Variants in CELF4 observed in about 807,000 individuals in gnomAD.
The protein encoded by CELF4 is CUG-BP- and ETR-3-like factor 4.
Under a neutral mutation model 59.9 loss-of-function variants are expected in CELF4, and 18 were observed. That is an observed-to-expected ratio of 0.30 (90% CI 0.21 to 0.45). CELF4 has a LOEUF of 0.45. Ranked by LOEUF, CELF4 falls within the 20% of genes least tolerant of loss-of-function variation. The pLI is 1.00. For synonymous variants in CELF4, 261 were observed against 267.1 expected, an observed-to-expected ratio of 0.98 and a Z score of 0.22; for missense variants, 456 against 689.0, an observed-to-expected ratio of 0.66 and a Z score of 3.79.
At chr18:37,403,731 T>C (rs554215650) in intron 2 of CELF4, among the ~76,000 whole-genome samples, 2 of 152,210 alleles carry the variant, frequency 1.3e-5, no homozygotes, top group East Asian at 3.9e-4. Flanking sequence ...GAAGCGTGAG[T>C]GATACGTGTC....
At chr18:37,325,598 A>G (rs549141123) in intron 2 of CELF4, among the ~76,000 whole-genome samples, 281 of 152,302 alleles carry the variant, frequency 1.8e-3, no homozygotes, top group Non-Finnish European at 2.2e-3. Flanking sequence ...TGGTGCAGGC[A>G]GACCTCCTCC....
At chr18:37,480,834 T>G (rs2099864705) in intron 2 of CELF4, among the ~76,000 whole-genome samples, 2 of 145,736 alleles carry the variant, frequency 1.4e-5, no homozygotes, top group African/African-American at 2.6e-5. Context: ...GAGGAGAAAA[T>G]GGGGGCACAA....
chr18:37,515,372 G>C (rs996714309), intron 1 of CELF4, among the ~76,000 whole-genome samples: 13 of 152,112 alleles, frequency 8.5e-5, no homozygotes, highest in African/African-American at 3.1e-4. Flanking sequence ...CTTCTCCCCA[G>C]CCTGGCTACC....
chr18:37,294,840 G>C (rs1270158743), intron 3 of CELF4, among the ~76,000 whole-genome samples: 1 of 152,136 alleles, frequency 6.6e-6, no homozygotes, highest in Non-Finnish European at 1.5e-5. Context: ...TGACTTGTTT[G>C]GATATTAATT....
intron 2 of CELF4, among the ~76,000 whole-genome samples, chr18:37,461,738 T>TGAA (rs1286125846): frequency 6.6e-6 from 1 of 152,246 alleles, no homozygotes; most frequent in African/African-American, 2.4e-5. Context: ...CAGTAGCTTC[T>TGAA]GCTCAGTGAG....
intron 12 of CELF4, among the ~76,000 whole-genome samples, chr18:37,251,745 C>T (rs1276814297): frequency 1.3e-5 from 2 of 152,198 alleles, no homozygotes; most frequent in Non-Finnish European, 2.9e-5. Context: ...CCCCCATCTG[C>T]AAGCTGCCTC....
intron 2 of CELF4, among the ~76,000 whole-genome samples, chr18:37,392,147 G>A (rs957716030): frequency 6.6e-6 from 1 of 152,236 alleles, no homozygotes; most frequent in African/African-American, 2.4e-5. Flanking sequence ...GGTGGGGGAA[G>A]TGGGAGAAAG....
At chr18:37,512,748 CCTG>C in intron 1 of CELF4, among the ~76,000 whole-genome samples, 1 of 151,866 alleles carries the variant, frequency 6.6e-6, no homozygotes, top group East Asian at 1.9e-4. Flanking sequence ...CTTCTTCCCT[CCTG>C]CTTTCTCTTT....
At chr18:37,450,102 G>T (rs759900696) in intron 2 of CELF4, among the ~76,000 whole-genome samples, 1 of 152,182 alleles carries the variant, frequency 6.6e-6, no homozygotes, top group African/African-American at 2.4e-5. Context: ...GTGGGGAGGG[G>T]AAGGGAGCAG....
At chr18:37,248,641 C>T (rs2063534348) in intron 12 of CELF4, among the ~76,000 whole-genome samples, 1 of 152,232 alleles carries the variant, frequency 6.6e-6, no homozygotes, top group Non-Finnish European at 1.5e-5. Context: ...CAACCTTCAG[C>T]TTTCTTTCCT....
intron 3 of CELF4, among the ~76,000 whole-genome samples, chr18:37,300,376 C>G (rs1421178766): frequency 2.0e-5 from 3 of 152,204 alleles, no homozygotes; most frequent in African/African-American, 7.2e-5. Flanking sequence ...AGGCACCTGC[C>G]ACCGCACTTG....
intron 2 of CELF4, among the ~76,000 whole-genome samples, chr18:37,413,739 C>T (rs978765972): frequency 2.0e-5 from 3 of 152,164 alleles, no homozygotes; most frequent in African/African-American, 7.2e-5. Flanking sequence ...GGTCAAGTCC[C>T]ACATCCTTCC....
chr18:37,484,346 TATAATATATGTGC>T (rs2099876581), intron 2 of CELF4, among the ~76,000 whole-genome samples: 2 of 152,318 alleles, frequency 1.3e-5, no homozygotes, highest in Middle Eastern at 3.4e-3. Flanking sequence ...AAGTAATTAC[TATAATATATGTGC>T]ATGTAGCCGC....
chr18:37,538,345 C>T (rs1428984806), intron 1 of CELF4, among the ~76,000 whole-genome samples: 1 of 152,206 alleles, frequency 6.6e-6, no homozygotes, highest in African/African-American at 2.4e-5. Context: ...GTTTTGCTCT[C>T]TGAAAGGTAT....
At chr18:37,281,125 C>T (rs1043859322) in intron 3 of CELF4, among the ~76,000 whole-genome samples, 2 of 152,206 alleles carry the variant, frequency 1.3e-5, no homozygotes. Context: ...TCAGTGGAAC[C>T]TCAGGATTAG....
Position 37,285,322 on chromosome 18 carries a change from T to C in CELF4, c.449-10079A>G, listed in dbSNP as rs961417683. On this transcript the variant is annotated intron_variant, in intron 3 of 12. Transcript: ENST00000420428. ...CCTTGAATGTGGGCTGAAAATGTCCTCTCTCGTCGTCACGCAGGAAGTCTG... is the reference window on the plus strand; with the variant it reads ...CCTTGAATGTGGGCTGAAAATGTCCCCTCTCGTCGTCACGCAGGAAGTCTG... Among the ~76,000 whole-genome samples, 3 of 152,188 alleles carry C rather than the reference T, an allele frequency of 2.0e-5. No individual in the cohort carries two copies. The South Asian group carries it at 6.2e-4, about 31-fold the overall frequency.
intron 2 of CELF4, among the ~76,000 whole-genome samples, chr18:37,458,082 C>T (rs1051642178): frequency 1.3e-5 from 2 of 152,094 alleles, no homozygotes; most frequent in Non-Finnish European, 2.9e-5. Flanking sequence ...GATGGGACTT[C>T]GAGCATCAAA....
At position 37,244,391 on chromosome 18, in the gene CELF4, C is replaced by G. The variant is rs2061336566; in HGVS notation, c.*851G>C. ...GTTTTAAGATTTGTGTTGCTTTCCC[C>G]AAATATCCACCAATTTGTTCATCTT... is the stretch of plus-strand genomic sequence containing the variant. On this transcript the variant is annotated 3_prime_UTR_variant, in exon 13 of 13. Transcript: ENST00000420428. The G allele has an allele frequency of 6.6e-6, 1 of 152,364 alleles. No individual in the cohort carries two copies. The highest frequency in any genetic ancestry group is 2.4e-5 in the African/African-American group (1 of 41,370). The allele number at this position is 152,364 out of a possible 1,614,324, so 9.4% of individuals were successfully genotyped here.
Position 37,274,372 on chromosome 18 carries a change from T to G in CELF4, c.740A>C (p.Gln247Pro). 6.2e-7 allele frequency: 1 copy of G among 1,613,578 alleles called. No homozygotes were observed. Among genetic ancestry groups the G allele is most frequent in the Non-Finnish European group, 8.5e-7 (1 of 1,179,962 alleles). ...GGCCATGGGGTTGAACATGCCCATC[T>G]GGCCAGCCATCTGCTGCATTCGCCG... is the stretch of plus-strand genomic sequence containing the variant. ...TMRRMQQMAG[Q>P]MGMFNPMAIP... is the part of the protein sequence containing the mutation. The change falls in exon 6 of 13, where the codon CAG (glutamine) becomes CCG (proline). Residue 247 changes from glutamine to proline, a missense_variant. Gln to Pro is a moderately conservative substitution (Grantham distance 76). Around this residue, in one of 7 missense-constraint regions of CELF4, gnomAD observed 256 missense variants for 340.8 expected, o/e 0.75. Transcript: ENST00000420428.
Sources: allele counts gnomAD v4.1 joint callset (sites outside exome capture counted in the v4.1 genomes callset), GRCh38; gene constraint gnomAD v4.1.1; regional missense constraint gnomAD v4.1.1; transcripts MANE v1.5; gene names NCBI Gene and HGNC (gene_info 2026-07-23, HGNC 2026-07-21).